LYST: variants seen among roughly 807,000 people sequenced by gnomAD.
LYST encodes the protein lysosomal-trafficking regulator.
Under a neutral mutation model 413.6 loss-of-function variants are expected in LYST, and 192 were observed. The ratio of observed to expected loss-of-function variants is 0.46; its 90% CI spans 0.41 to 0.52. The LOEUF (loss-of-function observed/expected upper bound fraction) is 0.52, where lower values mean the gene tolerates loss of function less well. Among genes scored for constraint, LYST ranks in the 20% least tolerant of loss-of-function variants. The probability of loss-of-function intolerance (pLI) is 0.00; values close to 1 mark genes in which losing one functional copy is unlikely to be tolerated. For missense variants in LYST, 3,815 were observed against 4,499.9 expected, an observed-to-expected ratio of 0.85 and a Z score of 4.35; for synonymous variants, 1,525 against 1,567.3, an observed-to-expected ratio of 0.97 and a Z score of 0.64.
intron 34 of LYST, among the ~76,000 whole-genome samples, chr1:235,731,523 T>C (rs551143460): frequency 6.6e-6 from 1 of 152,180 alleles, no homozygotes; most frequent in African/African-American, 2.4e-5. Context: ...TAAATTTTTT[T>C]TCCAAATTAA....
chr1:235,817,971 CG>C (rs2102934694), intron 3 of LYST, among the ~76,000 whole-genome samples: 1 of 152,144 alleles, frequency 6.6e-6, no homozygotes, highest in South Asian at 2.1e-4. Flanking sequence ...GGAGAAAATA[CG>C]TAAGTTTTAC....
At chr1:235,881,082 G>A (rs1348871813) in intron 1 of LYST, among the ~76,000 whole-genome samples, 1 of 152,196 alleles carries the variant, frequency 6.6e-6, no homozygotes, top group Non-Finnish European at 1.5e-5. Context: ...GATATACAGG[G>A]CAGGGCTGGA....
chr1:235,708,911 T>C (rs756357661), intron 44 of LYST, among the ~76,000 whole-genome samples, 180 bp downstream of exon 44: 8 of 152,216 alleles, frequency 5.3e-5, no homozygotes, highest in Non-Finnish European at 8.8e-5. Context: ...CTGAAAAAGA[T>C]AGTATCTTGT....
intron 42 of LYST, among the ~76,000 whole-genome samples, chr1:235,713,674 T>C (rs1558142957): frequency 6.6e-6 from 1 of 152,136 alleles, no homozygotes; most frequent in South Asian, 2.1e-4. Context: ...CAGCTAAACG[T>C]CCTACAATGC....
At chr1:235,881,618 T>C (rs1422687876) in intron 1 of LYST, among the ~76,000 whole-genome samples, 2 of 152,194 alleles carry the variant, frequency 1.3e-5, no homozygotes, top group African/African-American at 4.8e-5. Context: ...ATTATATATA[T>C]CACTGTGTGT....
In LYST at chr1:235,771,116, G is replaced by GTC. The variant is rs1668623207; in HGVS notation, c.5785-821_5785-820dup. The stretch of plus-strand genomic sequence containing the variant: ...ACTTAATCATACTCTTCTACCCAGG[G>GTC]TCTCTCTCTTTATAAGATAGAGCCA... On this transcript the variant is annotated intron_variant, in intron 19 of 52. Coordinates refer to ENST00000389793, the MANE Select transcript of LYST (RefSeq NM_000081.4). Among the ~76,000 whole-genome samples the GTC allele has an allele frequency of 5.9e-5, 9 of 151,978 alleles. No homozygotes were observed. The South Asian group carries it at 1.9e-3, about 32-fold the overall frequency.
At chr1:235,734,300 C>T (rs1023595111) in intron 32 of LYST, among the ~76,000 whole-genome samples, 183 bp downstream of exon 32, 1 of 151,880 alleles carries the variant, frequency 6.6e-6, no homozygotes, top group African/African-American at 2.4e-5. Context: ...GAACAAAATG[C>T]TCCTTAAAAT....
At chr1:235,819,788 A>G (rs6429355) in intron 3 of LYST, among the ~76,000 whole-genome samples, 75,783 of 151,872 alleles carry the variant, frequency 0.5, 22,241 homozygotes, top group African/African-American at 0.82. Flanking sequence ...TGGGATTACA[A>G]GTGCCTGCCA....
intron 19 of LYST, among the ~76,000 whole-genome samples, chr1:235,773,630 AG>A (rs1668931805): frequency 6.6e-6 from 1 of 152,182 alleles, no homozygotes; most frequent in Non-Finnish European, 1.5e-5. Context: ...CAGGGGCTAG[AG>A]AAAGAGGGAG....
Position 235,800,402 on chromosome 1 carries a change from A to T in LYST, c.3940-16T>A, listed in dbSNP as rs1164936722. 7.0e-7 allele frequency: 1 copy of T among 1,427,086 alleles called. No homozygotes were observed. The highest frequency in any genetic ancestry group is 1.7e-5 in the Admixed American group (1 of 59,710). The allele number at this position is 1,427,086 out of a possible 1,614,324, so 88.4% of individuals were successfully genotyped here. A position where few individuals can be genotyped will look rare whatever the true frequency, so the allele number is the denominator to read the frequency against. On this transcript the variant is annotated splice_polypyrimidine_tract_variant and intron_variant, in intron 9 of 52. Coordinates refer to ENST00000389793, the MANE Select transcript of LYST (RefSeq NM_000081.4). Reference sequence around the variant, plus strand: ...TCACAGTTCCCTGAAGATTAAAAAAAATACAAAATTAAATTACTTACCTCA... The same window carrying T: ...TCACAGTTCCCTGAAGATTAAAAAATATACAAAATTAAATTACTTACCTCA...
At chr1:235,663,911 G>T in intron 52 of LYST, 73 bp downstream of exon 52, 5 of 1,240,886 alleles carry the variant, frequency 4.0e-6, no homozygotes, top group Non-Finnish European at 6.0e-6. Flanking sequence ...AAGTCTGTGT[G>T]CTTAAATACC....
At chr1:235,783,325 TCTC>T (rs769040523) in intron 14 of LYST, among the ~76,000 whole-genome samples, 40 of 152,120 alleles carry the variant, frequency 2.6e-4, no homozygotes, top group Admixed American at 2.4e-3. Flanking sequence ...ATGACATACT[TCTC>T]CTTGACCAAA....
chr1:235,717,051 C>G (rs528336726), intron 40 of LYST, among the ~76,000 whole-genome samples: 40 of 152,334 alleles, frequency 2.6e-4, no homozygotes, highest in Middle Eastern at 6.8e-3. Flanking sequence ...ATCCTTCTTT[C>G]CCTTACTTCT....
chr1:235,718,363 C>CT (rs549670425), intron 40 of LYST, among the ~76,000 whole-genome samples: 210 of 145,182 alleles, frequency 1.4e-3, no homozygotes, highest in Middle Eastern at 3.6e-3. Flanking sequence ...AGCATATTCA[C>CT]TTTTTTTTTT....
Position 235,810,378 on chromosome 1 carries a change from C to A in LYST, c.440G>T (p.Arg147Leu). The A allele has an allele frequency of 6.2e-7, 1 of 1,613,460 alleles. No individual in the cohort carries two copies. The highest frequency in any genetic ancestry group is 1.1e-5 in the South Asian group (1 of 90,994). Residue 147 changes from arginine to leucine, a missense_variant, in exon 5 of 53, where the codon CGT becomes CTT. By Grantham distance (102) the Arg-to-Leu change is moderately radical. This residue lies in a region of LYST where 1,648 missense variants were observed against 1,810.3 expected (regional missense o/e 0.91). Transcript: ENST00000389793. ...VNVFRKSRRQ[R>L]KITHRYSVRD... ...TACAGAATAGCGATGGGTAATTTTA[C>A]GCTGTCGTCTGCTTTTTCGAAAAAC...
chr1:235,769,213 T>C (rs1445193379), intron 20 of LYST, among the ~76,000 whole-genome samples: 3 of 151,486 alleles, frequency 2.0e-5, no homozygotes, highest in Non-Finnish European at 4.4e-5. Flanking sequence ...TAAGTAGGAG[T>C]TGGCCAGATG....
intron 1 of LYST, among the ~76,000 whole-genome samples, chr1:235,837,719 A>G (rs1038533470): frequency 6.6e-6 from 1 of 152,042 alleles, no homozygotes; most frequent in African/African-American, 2.4e-5. Context: ...GTTACTGACA[A>G]TCTTTTCAAA....
rs139907712 is a variant in LYST, at chr1:235,778,098, A to AATATATATAT, written c.5215-800_5215-791dup. The stretch of plus-strand genomic sequence containing the variant: ...CCACCACACCCAGTTAACCCAGTTA[A>AATATATATAT]ATATATATATATATATATATATATT... On this transcript the variant is annotated intron_variant, in intron 16 of 52. Coordinates refer to ENST00000389793, the MANE Select transcript of LYST (RefSeq NM_000081.4). Among the ~76,000 whole-genome samples, 123 of 128,022 alleles carry AATATATATAT rather than the reference A, an allele frequency of 9.6e-4. 4 individuals carry two copies. Among genetic ancestry groups the AATATATATAT allele is most frequent in the African/African-American group, 4.4e-3 (118 of 26,710 alleles). The allele number at this position is 128,022 out of a possible 152,430, so 84.0% of individuals were successfully genotyped here.
chr1:235,768,681 CA>C (rs1668368620), intron 20 of LYST, among the ~76,000 whole-genome samples: 1 of 151,970 alleles, frequency 6.6e-6, no homozygotes, highest in Non-Finnish European at 1.5e-5. Context: ...ATGGAAATCT[CA>C]AAGTTTATAA....
Sources: allele counts gnomAD v4.1 joint callset (sites outside exome capture counted in the v4.1 genomes callset), GRCh38; gene constraint gnomAD v4.1.1; regional missense constraint gnomAD v4.1.1; transcripts MANE v1.5; gene names NCBI Gene and HGNC (gene_info 2026-07-23, HGNC 2026-07-21).